UBASH3B: variants seen among roughly 807,000 people sequenced by gnomAD.
UBASH3B encodes the protein ubiquitin-associated and SH3 domain-containing protein B.
In UBASH3B, 37 loss-of-function variants were observed where a neutral mutation model predicts 83.4. That is an observed-to-expected ratio of 0.44 (90% CI 0.34 to 0.58). The LOEUF (loss-of-function observed/expected upper bound fraction) is 0.58. Among genes scored for constraint, UBASH3B ranks in the 20% least tolerant of loss-of-function variants. The probability of loss-of-function intolerance (pLI) is 0.01; values close to 1 mark genes in which losing one functional copy is unlikely to be tolerated. For synonymous variants in UBASH3B, 304 were observed against 318.3 expected (o/e 0.96, Z 0.48); for missense variants, 657 against 827.2 (o/e 0.79, Z 2.52).
intron 1 of UBASH3B, among the ~76,000 whole-genome samples, chr11:122,667,667 A>T (rs1334216355): frequency 6.6e-6 from 1 of 152,160 alleles, no homozygotes; most frequent in Non-Finnish European, 1.5e-5. Flanking sequence ...GGAGAGGAAA[A>T]ATTCTGGGAA....
chr11:122,778,003 T>C (rs1860771771), intron 3 of UBASH3B, among the ~76,000 whole-genome samples: 1 of 152,220 alleles, frequency 6.6e-6, no homozygotes, highest in Non-Finnish European at 1.5e-5. Context: ...GTGCTGGGAT[T>C]ATAGGCATGA....
intron 1 of UBASH3B, among the ~76,000 whole-genome samples, chr11:122,688,640 A>C (rs1331183196): frequency 5.0e-4 from 58 of 115,074 alleles, no homozygotes; most frequent in Non-Finnish European, 6.8e-4. Flanking sequence ...ATTTTATTTT[A>C]TTTTATTTTA....
chr11:122,807,937 T>C, intron 12 of UBASH3B, 130 bp from the exon 13 acceptor site: 1 of 727,118 alleles, frequency 1.4e-6, no homozygotes, highest in South Asian at 1.6e-5. Flanking sequence ...ACTTTCAAAA[T>C]ATTGCTTAGG....
At chr11:122,787,802 C>G (rs1012641816) in intron 5 of UBASH3B, among the ~76,000 whole-genome samples, 7 of 152,112 alleles carry the variant, frequency 4.6e-5, no homozygotes, top group African/African-American at 1.7e-4. Context: ...GAAACTGAAG[C>G]CTGAAGCCAA....
chr11:122,740,096 G>A (rs111335232), intron 1 of UBASH3B, among the ~76,000 whole-genome samples: 6 of 152,170 alleles, frequency 3.9e-5, no homozygotes, highest in Non-Finnish European at 5.9e-5. Flanking sequence ...AATATTGAGT[G>A]TCTGCTTGGT....
intron 1 of UBASH3B, among the ~76,000 whole-genome samples, chr11:122,680,562 C>G (rs1863724741): frequency 6.6e-6 from 1 of 152,234 alleles, no homozygotes; most frequent in South Asian, 2.1e-4. Flanking sequence ...CACCTGGGTT[C>G]AAGCGATTCT....
intron 1 of UBASH3B, among the ~76,000 whole-genome samples, chr11:122,727,997 CATT>C (rs60967984): frequency 1.3e-5 from 2 of 149,898 alleles, no homozygotes; most frequent in African/African-American, 2.5e-5. Flanking sequence ...CCCATCTTAT[CATT>C]ATTATTATTA....
rs186841831 is a variant in UBASH3B, at chr11:122,727,577, A to C, written c.162-48642A>C. 1.1e-4 allele frequency: 17 copies of C among 152,200 alleles called. No homozygotes were observed. The East Asian group carries it at 3.3e-3, about 29-fold the overall frequency. 9.4% of individuals were successfully genotyped at this position (152,200 alleles called of 1,614,324 possible). A position where few individuals can be genotyped will look rare whatever the true frequency, so the allele number is the denominator to read the frequency against. On this transcript the variant is annotated intron_variant, in intron 1 of 13. Coordinates refer to ENST00000284273, the MANE Select transcript of UBASH3B (RefSeq NM_032873.5). ...CCAGCAAGCCCCGTGGAGGCCTCCG[A>C]GATGGGCACCAGGAGACAAGGACAG...
chr11:122,732,209 C>T (rs1392850315), intron 1 of UBASH3B, among the ~76,000 whole-genome samples: 1 of 152,070 alleles, frequency 6.6e-6, no homozygotes, highest in Non-Finnish European at 1.5e-5. Context: ...TCCTGGTACC[C>T]CCACAGAAGC....
intron 1 of UBASH3B, among the ~76,000 whole-genome samples, chr11:122,732,400 TG>T (rs987400062): frequency 6.6e-6 from 1 of 152,192 alleles, no homozygotes; most frequent in African/African-American, 2.4e-5. Context: ...ATTTATGAGT[TG>T]GTTCGCTTGA....
intron 1 of UBASH3B, among the ~76,000 whole-genome samples, chr11:122,716,872 A>G (rs1443005638): frequency 6.6e-6 from 1 of 152,144 alleles, no homozygotes; most frequent in African/African-American, 2.4e-5. Flanking sequence ...TTCTCTCGGT[A>G]GAAGCTGTCG....
chr11:122,675,618 CTG>C (rs969306192), intron 1 of UBASH3B, among the ~76,000 whole-genome samples: 1 of 152,218 alleles, frequency 6.6e-6, no homozygotes, highest in African/African-American at 2.4e-5. Flanking sequence ...CTTTGCCCAT[CTG>C]TGCAATTTAG....
At chr11:122,768,083 C>A (rs1013259055) in intron 1 of UBASH3B, among the ~76,000 whole-genome samples, 3 of 152,170 alleles carry the variant, frequency 2.0e-5, no homozygotes, top group Non-Finnish European at 2.9e-5. Flanking sequence ...TGGGAGCCCT[C>A]CTGAGTAGTT....
rs1013996802 is a variant in UBASH3B, at chr11:122,690,262, A to T, written c.161+34052A>T. ...TATATATATATATATCCAATTATAT[A>T]TATATATATCTCCAATTATACATAT... is the stretch of plus-strand genomic sequence containing the variant. On this transcript the variant is annotated intron_variant, in intron 1 of 13. Transcript: ENST00000284273. 8.0e-5 allele frequency among the ~76,000 whole-genome samples: 11 copies of T among 137,826 alleles called. 1 individual carries two copies. In the Admixed American group the frequency reaches 8.4e-4, roughly 11 times the overall value. The allele number at this position is 137,826 out of a possible 152,430, so 90.4% of individuals were successfully genotyped here. A position where few individuals can be genotyped will look rare whatever the true frequency, so the allele number is the denominator to read the frequency against.
Position 122,810,547 on chromosome 11 carries a change from C to T in UBASH3B, c.*661C>T, listed in dbSNP as rs771609680. The T allele has an allele frequency of 3.7e-5, 5 of 134,720 alleles. No homozygotes were observed. The highest frequency in any genetic ancestry group is 3.2e-4 in the Admixed American group (4 of 12,548). The allele number at this position is 134,720 out of a possible 1,614,324, so 8.3% of individuals were successfully genotyped here. ...TTCTTGCTACAGCCCTATCCCCCCT[C>T]CTTGCTTCTGTGAAATGGGGAGACA... On this transcript the variant is annotated 3_prime_UTR_variant, in exon 14 of 14. Coordinates refer to ENST00000284273, the MANE Select transcript of UBASH3B (RefSeq NM_032873.5).
At chr11:122,664,871 G>A (rs1863492910) in intron 1 of UBASH3B, among the ~76,000 whole-genome samples, 1 of 152,242 alleles carries the variant, frequency 6.6e-6, no homozygotes, top group African/African-American at 2.4e-5. Flanking sequence ...CTGCTCTTTT[G>A]AGCTGGCTGC....
intron 10 of UBASH3B, among the ~76,000 whole-genome samples, chr11:122,800,729 C>T (rs113454573): frequency 0.058 from 8,809 of 151,896 alleles, 637 homozygotes; most frequent in East Asian, 0.3. Context: ...CTGCCTCAGC[C>T]TCCTGAGTGC....
intron 1 of UBASH3B, among the ~76,000 whole-genome samples, chr11:122,667,521 C>T (rs116237489): frequency 0.012 from 1,854 of 152,160 alleles, 36 homozygotes; most frequent in African/African-American, 0.041. Flanking sequence ...TATGATAAAG[C>T]GTGGTAAATG....
At chr11:122,658,503 C>T (rs1863393177) in intron 1 of UBASH3B, among the ~76,000 whole-genome samples, 1 of 152,204 alleles carries the variant, frequency 6.6e-6, no homozygotes, top group Admixed American at 6.5e-5. Context: ...ATACTTACTC[C>T]ATACTGTTCT....
Sources: allele counts gnomAD v4.1 joint callset (sites outside exome capture counted in the v4.1 genomes callset), GRCh38; gene constraint gnomAD v4.1.1; transcripts MANE v1.5; gene names NCBI Gene and HGNC (gene_info 2026-07-23, HGNC 2026-07-21).